Variants in NAV2 observed in about 807,000 individuals in gnomAD.
NAV2 encodes the protein helicase, APC down-regulated 1.
Under a neutral mutation model 223.2 loss-of-function variants are expected in NAV2, and 54 were observed. The ratio of observed to expected loss-of-function variants is 0.24; its 90% CI spans 0.19 to 0.30. The LOEUF is 0.30. NAV2 is among the 10% of genes least tolerant of loss of function. The pLI is 1.00. For missense variants in NAV2, 2,806 were observed against 3,147.5 expected (o/e 0.89, Z 2.60); for synonymous variants, 1,279 against 1,239.3 (o/e 1.03, Z -0.67).
chr11:19,604,292 G>A (rs1423729993), intron 1 of NAV2, among the ~76,000 whole-genome samples: 2 of 152,152 alleles, frequency 1.3e-5, no homozygotes, highest in Non-Finnish European at 2.9e-5. Flanking sequence ...AGTTGACAGT[G>A]GCTTGGACTG....
rs551589266 is a variant in NAV2 at position 20,076,086 on chromosome 11, C to T, written c.4984-1466C>T. 9.2e-5 allele frequency among the ~76,000 whole-genome samples: 14 copies of T among 152,210 alleles called. No individual in the cohort carries two copies. In the South Asian group the frequency reaches 1.5e-3, roughly 16 times the overall value. On this transcript the variant is annotated intron_variant, in intron 22 of 37. Coordinates refer to ENST00000349880, the MANE Select transcript of NAV2 (RefSeq NM_145117.5). ...TGAACAGTTCATAGACCATTTTCAC[C>T]GGCCTTGTTTCATTTAGCTGAAAAT... is the stretch of plus-strand genomic sequence containing the variant.
chr11:19,835,920 A>G (rs1291950090), intron 2 of NAV2, among the ~76,000 whole-genome samples: 1 of 151,994 alleles, frequency 6.6e-6, no homozygotes, highest in Non-Finnish European at 1.5e-5. Context: ...TTTCTCTTTG[A>G]GACCTTTCCT....
At chr11:19,622,349 A>G (rs890862202) in intron 1 of NAV2, among the ~76,000 whole-genome samples, 2 of 152,196 alleles carry the variant, frequency 1.3e-5, no homozygotes, top group African/African-American at 4.8e-5. Context: ...TAATGTTGAC[A>G]GTGGGGTGTT....
intron 11 of NAV2, among the ~76,000 whole-genome samples, chr11:20,017,795 C>T (rs2153525129): frequency 6.6e-6 from 1 of 152,344 alleles, no homozygotes; most frequent in Non-Finnish European, 1.5e-5. Flanking sequence ...TAAAGACTCT[C>T]CTTCCCACTG....
At chr11:19,885,027 A>G (rs2063445615) in intron 5 of NAV2, among the ~76,000 whole-genome samples, 2 of 152,150 alleles carry the variant, frequency 1.3e-5, no homozygotes, top group South Asian at 2.1e-4. Flanking sequence ...GCTGCCTCCT[A>G]TGAGGACCCA....
chr11:19,778,392 A>G (rs1307250111), intron 1 of NAV2: 2 of 455,018 alleles, frequency 4.4e-6, no homozygotes, highest in East Asian at 7.0e-5. Context: ...AAGAAATCAT[A>G]TTTGTGGATT....
intron 1 of NAV2, among the ~76,000 whole-genome samples, chr11:19,649,695 T>C (rs2047912555): frequency 6.6e-6 from 1 of 152,198 alleles, no homozygotes; most frequent in Non-Finnish European, 1.5e-5. Flanking sequence ...GTTTTCAACA[T>C]ATGAATTTGG....
chr11:19,488,702 C>T (rs1240151977), intron 1 of NAV2, among the ~76,000 whole-genome samples: 10 of 152,148 alleles, frequency 6.6e-5, no homozygotes, highest in Admixed American at 2.6e-4. Flanking sequence ...TCAATAGTGA[C>T]ACCTAATAAT....
intron 1 of NAV2, among the ~76,000 whole-genome samples, chr11:19,685,752 C>A (rs1434949155): frequency 6.6e-6 from 1 of 152,110 alleles, no homozygotes; most frequent in Non-Finnish European, 1.5e-5. Flanking sequence ...CCCTCCCTCT[C>A]TAATCTTCCA....
At chr11:19,958,523 G>A (rs1018100291) in intron 10 of NAV2, among the ~76,000 whole-genome samples, 2 of 152,166 alleles carry the variant, frequency 1.3e-5, no homozygotes, top group Non-Finnish European at 2.9e-5. Context: ...AGTTTGACCT[G>A]CAGTCCAGGC....
At chr11:19,793,270 C>G (rs544717261) in intron 1 of NAV2, among the ~76,000 whole-genome samples, 1 of 150,776 alleles carries the variant, frequency 6.6e-6, no homozygotes, top group African/African-American at 2.4e-5. Flanking sequence ...AGGTGCTGCC[C>G]TGGATTTGTC....
intron 31 of NAV2, 36 bp from the exon 32 acceptor site, chr11:20,100,901 A>G: frequency 6.3e-7 from 1 of 1,585,194 alleles, no homozygotes; most frequent in South Asian, 1.1e-5. Flanking sequence ...CCTTTTCTAC[A>G]GGGCTTCAGA....
chr11:19,733,111 G>A (rs951097779), intron 1 of NAV2, among the ~76,000 whole-genome samples: 12 of 152,200 alleles, frequency 7.9e-5, no homozygotes, highest in African/African-American at 2.4e-4. Context: ...ACAGAAGCAG[G>A]TGGATTAAAC....
Position 20,095,667 on chromosome 11 carries a change from C to T in NAV2, c.5917-5C>T. On this transcript the variant is annotated splice_region_variant and splice_polypyrimidine_tract_variant and intron_variant, in intron 29 of 37. Coordinates refer to ENST00000349880, the MANE Select transcript of NAV2 (RefSeq NM_145117.5). ...TTTCACCTGTGTACATTTCCTTACC[C>T]TTAGGATTCCAGACCACATCTCTTT... is the stretch of plus-strand genomic sequence containing the variant. 3 of 1,607,712 alleles carry T rather than the reference C, an allele frequency of 1.9e-6. No individual in the cohort carries two copies. The highest frequency in any genetic ancestry group is 1.3e-5 in the African/African-American group (1 of 74,894).
chr11:20,106,494 A>T (rs1471711063), intron 35 of NAV2, among the ~76,000 whole-genome samples: 2 of 129,638 alleles, frequency 1.5e-5, no homozygotes, highest in African/African-American at 2.9e-5. Context: ...CAGGAGGCGG[A>T]GGCTGCTGTG....
chr11:20,032,449 A>C (rs1403181011), intron 11 of NAV2, among the ~76,000 whole-genome samples: 1 of 152,176 alleles, frequency 6.6e-6, no homozygotes, highest in East Asian at 1.9e-4. Context: ...TACAATTTCA[A>C]AGCACAAAAT....
chr11:19,954,293 G>A (rs2047645192), intron 10 of NAV2, among the ~76,000 whole-genome samples: 1 of 152,114 alleles, frequency 6.6e-6, no homozygotes, highest in Non-Finnish European at 1.5e-5. Flanking sequence ...GGCTTTTTAG[G>A]GGCTGCTGTC....
At chr11:19,955,626 A>G (rs949693171) in intron 10 of NAV2, among the ~76,000 whole-genome samples, 3 of 152,226 alleles carry the variant, frequency 2.0e-5, no homozygotes, top group Admixed American at 6.5e-5. Flanking sequence ...GACTGATGGA[A>G]GATAGACATG....
At chr11:19,682,278 G>T (rs937269921) in intron 1 of NAV2, among the ~76,000 whole-genome samples, 4 of 152,238 alleles carry the variant, frequency 2.6e-5, no homozygotes, top group African/African-American at 9.6e-5. Context: ...TGCTTGGTAT[G>T]TGCTAAGAAC....
Sources: gnomAD v4.1 joint callset for allele counts (sites outside exome capture counted in the v4.1 genomes callset) on GRCh38, gnomAD v4.1.1 for gene constraint, MANE v1.5 for transcripts, NCBI Gene and HGNC (gene_info 2026-07-23, HGNC 2026-07-21) for gene names.